The following GANC variants were observed in gnomAD, a reference collection of about 807,000 sequenced individuals.
GANC encodes glucosidase alpha, neutral C.
Under a neutral mutation model 124.2 loss-of-function variants are expected in GANC, and 117 were observed. That is an observed-to-expected ratio of 0.94 (90% CI 0.81 to 1.10). GANC has a LOEUF of 1.10. Ranked by LOEUF, GANC falls within the 50% of genes least tolerant of loss-of-function variation. GANC has a pLI of 0.00. For missense variants in GANC, 1,140 were observed against 1,095.0 expected, an observed-to-expected ratio of 1.04 and a Z score of -0.58; for synonymous variants, 377 against 376.8, an observed-to-expected ratio of 1.00 and a Z score of -0.01.
Position 42,273,651 on chromosome 15 carries a change from C to T in GANC, c.-831C>T. 1.8e-6 allele frequency: 1 copy of T among 540,668 alleles called. No individual in the cohort carries two copies. Among genetic ancestry groups the T allele is most frequent in the South Asian group, 2.4e-5 (1 of 41,852 alleles). The allele number at this position is 540,668 out of a possible 1,614,324, so 33.5% of individuals were successfully genotyped here. On this transcript the variant is annotated 5_prime_UTR_variant, in exon 1 of 24. Transcript: ENST00000318010. ...AGAGATCGCTACATGCCAGCCTGGC[C>T]TGAGTCTTTTCTGTCTCCCAGCCGT...
chr15:42,321,805 C>G lies in GANC; in HGVS notation c.1078C>G (p.Leu360Val). The G allele has an allele frequency of 1.2e-6, 2 of 1,614,212 alleles. No individual in the cohort carries two copies. The highest frequency in any genetic ancestry group is 2.2e-5 in the East Asian group (1 of 44,888). Residue 360 changes from leucine (L) to valine (V), a missense_variant, in exon 11 of 24, where the codon CTT becomes GTT. Physicochemically the swap from Leu to Val is conservative, Grantham distance 32 (BLOSUM62 1). Coordinates refer to ENST00000318010, the MANE Select transcript of GANC (RefSeq NM_198141.3). The part of the protein sequence containing the change: ...HLTGTQAMPP[L>V]FSLGYHQCRW... ...TTTAGGCACACAAGCCATGCCCCCT[C>G]TTTTCTCTTTGGGATACCACCAGTG...
chr15:42,310,659 A>G, intron 9 of GANC, 34 bp from the exon 10 acceptor site: 1 of 1,595,474 alleles, frequency 6.3e-7, no homozygotes, highest in Non-Finnish European at 8.6e-7. Flanking sequence ...GTTAGAGGGA[A>G]ATTTCTCAAA....
intron 7 of GANC, 135 bp downstream of exon 7, chr15:42,306,747 T>C: frequency 1.6e-6 from 1 of 621,670 alleles, no homozygotes. Context: ...AGATCAGATT[T>C]GCTATCCTTC....
Position 42,339,830 on chromosome 15 carries a change from G to A in GANC, c.2005G>A (p.Ala669Thr). ...GEEHTRLIRE[A>T]IRERYGLLPY... ...GGAACACACCCGACTCATCCGAGAA[G>A]CCATCAGAGAGCGCTATGGCCTCCT... The change falls in exon 17 of 24, where the codon GCC becomes ACC. Residue 669 changes from alanine (A) to threonine (T), a missense_variant. Transcript: ENST00000318010. 1 of 1,614,146 alleles carries A rather than the reference G, an allele frequency of 6.2e-7. No individual in the cohort carries two copies. Among genetic ancestry groups the A allele is most frequent in the Non-Finnish European group, 8.5e-7 (1 of 1,180,012 alleles).
intron 4 of GANC, among the ~76,000 whole-genome samples, chr15:42,292,231 T>C (rs1038005634): frequency 1.3e-5 from 2 of 152,120 alleles, no homozygotes. Context: ...ACCCAATCTG[T>C]GTTATTTCCT....
chr15:42,342,998 G>T, intron 18 of GANC, 80 bp from the exon 19 acceptor site: 2 of 1,169,340 alleles, frequency 1.7e-6, no homozygotes, highest in Non-Finnish European at 2.5e-6. Flanking sequence ...CACCATGATA[G>T]CTAGCACTCA....
At chr15:42,333,747 A>C (rs1212810093) in intron 15 of GANC, among the ~76,000 whole-genome samples, 3 of 152,240 alleles carry the variant, frequency 2.0e-5, no homozygotes, top group South Asian at 2.1e-4. Context: ...ACTATTCGGC[A>C]TAACACCTGG....
At chr15:42,330,444 G>C (rs2052233185) in intron 14 of GANC, 132 bp from the exon 15 acceptor site, 1 of 607,218 alleles carries the variant, frequency 1.6e-6, no homozygotes, top group South Asian at 2.0e-5. Flanking sequence ...AAAATTATTT[G>C]ATGGATTTAT....
chr15:42,310,735 G>T lies in GANC; in HGVS notation c.946G>T (p.Val316Phe). The stretch of plus-strand genomic sequence containing the variant: ...GGGCCCAGTTGCTGCTAAACAAAAG[G>T]TCAGATCTCGCACTCATGTGCACTG... Reference protein sequence around the residue: ...QMGPVAAKQKVRSRTHVHWMS... With the variant: ...QMGPVAAKQKFRSRTHVHWMS... Residue 316 changes from valine (V) to phenylalanine (F), a missense_variant, in exon 10 of 24, where the codon GTC becomes TTC. Transcript: ENST00000318010. 6.2e-7 allele frequency: 1 copy of T among 1,613,840 alleles called. No homozygotes were observed. Among genetic ancestry groups the T allele is most frequent in the Non-Finnish European group, 8.5e-7 (1 of 1,179,720 alleles).
At chr15:42,294,743 ATAATTCT>A (rs1376000897) in intron 5 of GANC, among the ~76,000 whole-genome samples, 2 of 151,420 alleles carry the variant, frequency 1.3e-5, no homozygotes, top group South Asian at 4.1e-4. Flanking sequence ...TAACAATGTG[ATAATTCT>A]TAATTTCTTT....
chr15:42,292,943 T>C, intron 5 of GANC, 26 bp downstream of exon 5: 1 of 1,598,212 alleles, frequency 6.3e-7, no homozygotes, highest in Non-Finnish European at 8.6e-7. Context: ...ACTTGACACA[T>C]AAAGACCTTA....
At chr15:42,324,154 A>G (rs2052181817) in intron 11 of GANC, among the ~76,000 whole-genome samples, 1 of 152,216 alleles carries the variant, frequency 6.6e-6, no homozygotes, top group African/African-American at 2.4e-5. Context: ...GAAGATACAC[A>G]AATAGCCAAC....
In GANC at chr15:42,273,516, GTTT is replaced by G. The variant is rs1332752038; in HGVS notation, c.-965_-963del. 2.5e-5 allele frequency: 38 copies of G among 1,495,612 alleles called. 1 individual carries two copies. The South Asian group carries it at 3.8e-4, about 15-fold the overall frequency. 92.6% of individuals were successfully genotyped at this position (1,495,612 alleles called of 1,614,324 possible). A position where few individuals can be genotyped will look rare whatever the true frequency, so the allele number is the denominator to read the frequency against. On this transcript the variant is annotated 5_prime_UTR_variant, in exon 1 of 24. Transcript: ENST00000318010. The stretch of plus-strand genomic sequence containing the variant: ...GGGTCCTGGAAACGTCGCGGAGCTT[GTTT>G]GCTGTGCGGCGTAGCGGCCCCTCTC...
In GANC at chr15:42,353,142, A is replaced by G; in HGVS notation, c.*1003A>G. ...GGCATGGGGCAGAACATTACAACATACCAGTCGTGTCATGGTGCCCAAGGC... is the reference window on the plus strand; with the variant it reads ...GGCATGGGGCAGAACATTACAACATGCCAGTCGTGTCATGGTGCCCAAGGC... On this transcript the variant is annotated 3_prime_UTR_variant, in exon 24 of 24. Transcript: ENST00000318010. 1 of 985,804 alleles carries G rather than the reference A, an allele frequency of 1.0e-6. No individual in the cohort carries two copies. The highest frequency in any genetic ancestry group is 4.7e-5 in the South Asian group (1 of 21,274). The allele number at this position is 985,804 out of a possible 1,614,324, so 61.1% of individuals were successfully genotyped here.
At chr15:42,298,150 AG>A (rs1469813098) in intron 6 of GANC, among the ~76,000 whole-genome samples, 1 of 152,210 alleles carries the variant, frequency 6.6e-6, no homozygotes, top group African/African-American at 2.4e-5. Flanking sequence ...TATATACACA[AG>A]TCAAAAAGTT....
At chr15:42,337,277 G>A (rs953434575) in intron 15 of GANC, among the ~76,000 whole-genome samples, 30 of 152,106 alleles carry the variant, frequency 2.0e-4, no homozygotes, top group African/African-American at 3.9e-4. Flanking sequence ...AATGTGGTAC[G>A]TATACACCAT....
intron 10 of GANC, among the ~76,000 whole-genome samples, chr15:42,319,992 T>A (rs182431954): frequency 8.5e-5 from 13 of 152,244 alleles, no homozygotes; most frequent in African/African-American, 7.2e-5. Context: ...GAGACCAGCT[T>A]GGTCAACATG....
intron 15 of GANC, among the ~76,000 whole-genome samples, chr15:42,332,368 G>A (rs1421952681): frequency 2.0e-5 from 3 of 151,932 alleles, no homozygotes; most frequent in Non-Finnish European, 4.4e-5. Flanking sequence ...ACCAGCAACA[G>A]TTAAAAAAAG....
At chr15:42,295,639 GACACACACACACACACAC>G (rs60220273) in intron 5 of GANC, among the ~76,000 whole-genome samples, 28 of 137,722 alleles carry the variant, frequency 2.0e-4, no homozygotes, top group South Asian at 4.9e-4. Context: ...CTTTATTATA[GACACACACACACACACAC>G]ACACACACAC....
Sources: allele counts gnomAD v4.1 joint callset (sites outside exome capture counted in the v4.1 genomes callset), GRCh38; gene constraint gnomAD v4.1.1; transcripts MANE v1.5; gene names NCBI Gene and HGNC (gene_info 2026-07-23, HGNC 2026-07-21).